The following UST variants were observed in gnomAD, a reference collection of about 807,000 sequenced individuals.
UST encodes uronyl 2-sulfotransferase, also known as chondroitin sulfate 2-O-sulfotransferase.
Under a neutral mutation model 45.6 loss-of-function variants are expected in UST, and 21 were observed. That is an observed-to-expected ratio of 0.46 (90% CI 0.33 to 0.66). UST has a LOEUF of 0.66. Among genes scored for constraint, UST ranks in the 30% least tolerant of loss-of-function variants. The pLI is 0.02. For missense variants in UST, 463 were observed against 512.4 expected (o/e 0.90, Z 0.93); for synonymous variants, 215 against 200.6 (o/e 1.07, Z -0.61).
intron 7 of UST, among the ~76,000 whole-genome samples, chr6:149,049,289 T>A (rs1776443908): frequency 6.6e-6 from 1 of 152,208 alleles, no homozygotes; most frequent in Non-Finnish European, 1.5e-5. Context: ...AAATACATTT[T>A]GATATACCAA....
At chr6:148,846,991 T>C (rs1778003625) in intron 1 of UST, among the ~76,000 whole-genome samples, 1 of 152,244 alleles carries the variant, frequency 6.6e-6, no homozygotes, top group Non-Finnish European at 1.5e-5. Flanking sequence ...TGAGTCCCAC[T>C]GTGTGCTGGG....
chr6:148,788,911 G>C (rs1776785022), intron 1 of UST, among the ~76,000 whole-genome samples: 1 of 152,144 alleles, frequency 6.6e-6, no homozygotes, highest in Admixed American at 6.5e-5. Context: ...GTTAAGGGCT[G>C]GCCCATTTTC....
chr6:148,765,976 G>T (rs762950761), intron 1 of UST, among the ~76,000 whole-genome samples: 7 of 152,280 alleles, frequency 4.6e-5, no homozygotes, highest in Non-Finnish European at 8.8e-5. Context: ...TATGATGTTG[G>T]CTGTGGGTTT....
intron 7 of UST, among the ~76,000 whole-genome samples, chr6:149,041,738 A>C (rs1232505795): frequency 6.6e-6 from 1 of 152,198 alleles, no homozygotes; most frequent in Non-Finnish European, 1.5e-5. Flanking sequence ...CTTCCTGGAC[A>C]GATTCCCCCG....
At chr6:148,936,799 G>A (rs996995493) in intron 2 of UST, among the ~76,000 whole-genome samples, 2 of 152,050 alleles carry the variant, frequency 1.3e-5, no homozygotes, top group South Asian at 2.1e-4. Context: ...GGCTTCAAGC[G>A]ATTCTCCTGC....
intron 4 of UST, among the ~76,000 whole-genome samples, chr6:148,957,722 C>G (rs1267718124): frequency 6.6e-6 from 1 of 152,198 alleles, no homozygotes; most frequent in Non-Finnish European, 1.5e-5. Context: ...GCGTGAGCCA[C>G]CATGCAAAGC....
intron 7 of UST, among the ~76,000 whole-genome samples, chr6:149,069,300 T>G (rs928787349): frequency 1.3e-5 from 2 of 152,206 alleles, no homozygotes; most frequent in African/African-American, 4.8e-5. Flanking sequence ...TATTTTTAGT[T>G]TTTTGAGAAC....
Position 148,949,911 on chromosome 6 carries a change from A to G in UST, c.448-3961A>G, listed in dbSNP as rs560237097. Among the ~76,000 whole-genome samples, 3 of 152,076 alleles carry G rather than the reference A, an allele frequency of 2.0e-5. No individual in the cohort carries two copies. In the South Asian group the frequency reaches 6.2e-4, roughly 32 times the overall value. On this transcript the variant is annotated intron_variant, in intron 3 of 7. Coordinates refer to ENST00000367463, the MANE Select transcript of UST (RefSeq NM_005715.3). ...GAAGGTCATGTTCAAAACCAAGCCC[A>G]TTTCCCCCCTTATCTGCAGCCAAAT...
At chr6:148,897,402 A>G (rs1337206833) in intron 2 of UST, among the ~76,000 whole-genome samples, 1 of 151,896 alleles carries the variant, frequency 6.6e-6, no homozygotes, top group Non-Finnish European at 1.5e-5. Flanking sequence ...TCCTGACCTC[A>G]AGGAGTTTGA....
chr6:148,801,604 T>G (rs761182132), intron 1 of UST, among the ~76,000 whole-genome samples: 1 of 152,152 alleles, frequency 6.6e-6, no homozygotes, highest in African/African-American at 2.4e-5. Flanking sequence ...CTCATTCCAC[T>G]CCACTTTTTG....
At chr6:148,965,432 A>C (rs1429718012) in intron 5 of UST, among the ~76,000 whole-genome samples, 2 of 152,280 alleles carry the variant, frequency 1.3e-5, no homozygotes, top group Non-Finnish European at 1.5e-5. Flanking sequence ...CAAGCAGGAA[A>C]GTAGGAAGTG....
intron 1 of UST, among the ~76,000 whole-genome samples, chr6:148,838,947 C>T (rs1287915322): frequency 6.6e-6 from 1 of 152,190 alleles, no homozygotes; most frequent in Non-Finnish European, 1.5e-5. Flanking sequence ...TATATGCCCC[C>T]ATATGCAGCT....
At chr6:148,884,091 C>T (rs1452983607) in intron 1 of UST, among the ~76,000 whole-genome samples, 1 of 150,692 alleles carries the variant, frequency 6.6e-6, no homozygotes, top group African/African-American at 2.5e-5. Flanking sequence ...CAAGATTGCA[C>T]CACTGCACTC....
At chr6:149,027,025 TTAAA>T (rs1776059269) in intron 7 of UST, among the ~76,000 whole-genome samples, 1 of 152,176 alleles carries the variant, frequency 6.6e-6, no homozygotes, top group Non-Finnish European at 1.5e-5. Context: ...ATATTTATAC[TTAAA>T]TAGTTTTATA....
At chr6:148,994,351 A>T (rs1413738600) in intron 5 of UST, among the ~76,000 whole-genome samples, 1 of 152,210 alleles carries the variant, frequency 6.6e-6, no homozygotes, top group Admixed American at 6.5e-5. Context: ...TGGAATGGTT[A>T]TAAATTAATG....
At chr6:149,025,477 G>A (rs1019538849) in intron 7 of UST, among the ~76,000 whole-genome samples, 6 of 152,164 alleles carry the variant, frequency 3.9e-5, no homozygotes, top group South Asian at 2.1e-4. Flanking sequence ...CAGCCGGTGC[G>A]CAGCTGCTGA....
At chr6:148,797,371 T>C (rs1409442869) in intron 1 of UST, among the ~76,000 whole-genome samples, 1 of 152,252 alleles carries the variant, frequency 6.6e-6, no homozygotes, top group Non-Finnish European at 1.5e-5. Context: ...CTATTTTATA[T>C]GCTGCTTTAT....
chr6:148,954,731 A>G (rs9390645), intron 4 of UST, among the ~76,000 whole-genome samples: 21,232 of 152,224 alleles, frequency 0.14, 1,662 homozygotes, highest in East Asian at 0.22. Context: ...ACTGTAAACC[A>G]TTTGATTTTC....
At chr6:148,977,311 G>A (rs1368275368) in intron 5 of UST, among the ~76,000 whole-genome samples, 2 of 151,670 alleles carry the variant, frequency 1.3e-5, no homozygotes, top group African/African-American at 2.4e-5. Context: ...TATGTAATAT[G>A]CAATAGTATA....
Sources: gnomAD v4.1 joint callset for allele counts (sites outside exome capture counted in the v4.1 genomes callset) on GRCh38, gnomAD v4.1.1 for gene constraint, MANE v1.5 for transcripts, NCBI Gene and HGNC (gene_info 2026-07-23, HGNC 2026-07-21) for gene names.